LIMCH1: variants seen among roughly 807,000 people sequenced by gnomAD.
LIMCH1 encodes LIM and calponin homology domains 1.
In LIMCH1, 113 loss-of-function variants were observed where a neutral mutation model predicts 176.5. The observed-to-expected ratio is 0.64, with a 90% CI of 0.55 to 0.75. The LOEUF (loss-of-function observed/expected upper bound fraction) is 0.75. Among genes scored for constraint, LIMCH1 ranks in the 30% least tolerant of loss-of-function variants. The pLI is 0.00. For synonymous variants in LIMCH1, 619 were observed against 645.9 expected, an observed-to-expected ratio of 0.96 and a Z score of 0.63; for missense variants, 1,674 against 1,814.9, an observed-to-expected ratio of 0.92 and a Z score of 1.41.
intron 21 of LIMCH1, among the ~76,000 whole-genome samples, chr4:41,668,844 A>T (rs1027285448): frequency 6.6e-6 from 1 of 152,200 alleles, no homozygotes; most frequent in Non-Finnish European, 1.5e-5. Flanking sequence ...GGGACATCTT[A>T]CATGGTGGCC....
intron 1 of LIMCH1, among the ~76,000 whole-genome samples, chr4:41,364,477 T>C (rs1390450145): frequency 6.6e-6 from 1 of 152,164 alleles, no homozygotes; most frequent in Non-Finnish European, 1.5e-5. Flanking sequence ...TGCCTACTGA[T>C]TTCATCCTAT....
chr4:41,586,147 C>T (rs2086434759), intron 1 of LIMCH1, among the ~76,000 whole-genome samples: 1 of 139,646 alleles, frequency 7.2e-6, no homozygotes, highest in African/African-American at 2.6e-5. Context: ...CTCACTCTGT[C>T]ACCTAGGCTG....
intron 1 of LIMCH1, among the ~76,000 whole-genome samples, chr4:41,460,844 G>A (rs1431408684): frequency 6.6e-6 from 1 of 152,138 alleles, no homozygotes; most frequent in Non-Finnish European, 1.5e-5. Flanking sequence ...TGCTGGCAAG[G>A]AAATGCCTGC....
At chr4:41,609,520 C>A in intron 4 of LIMCH1, 1 of 403,644 alleles carries the variant, frequency 2.5e-6, no homozygotes, top group South Asian at 1.9e-5. Flanking sequence ...CAGGGTGAGC[C>A]ACCTTACAAA....
At chr4:41,478,641 A>G (rs1027124779) in intron 1 of LIMCH1, among the ~76,000 whole-genome samples, 12 of 152,232 alleles carry the variant, frequency 7.9e-5, no homozygotes, top group African/African-American at 2.9e-4. Context: ...AGACAGCTCT[A>G]CAACTGTTAC....
chr4:41,613,193 CTTT>C, intron 4 of LIMCH1: 1 of 965,718 alleles, frequency 1.0e-6, no homozygotes, highest in Non-Finnish European at 1.5e-6. Context: ...TTTCTCTACT[CTTT>C]TTTTTTTAAA....
chr4:41,644,689 G>T lies in LIMCH1; in HGVS notation c.2253+63G>T, dbSNP rs1316064869. On this transcript the variant is annotated intron_variant, in intron 15 of 31. Coordinates refer to ENST00000503057, the MANE Select transcript of LIMCH1 (RefSeq NM_001330672.2). ...TTCTGGCAGCAGAAAATCCAGCCGGGTGGGTAGACGTGGACTTGAAAGCCA... is the reference window on the plus strand; with the variant it reads ...TTCTGGCAGCAGAAAATCCAGCCGGTTGGGTAGACGTGGACTTGAAAGCCA... 2.6e-6 allele frequency: 4 copies of T among 1,551,482 alleles called. No individual in the cohort carries two copies. In the African/African-American group the frequency reaches 5.5e-5, roughly 21 times the overall value.
intron 22 of LIMCH1, among the ~76,000 whole-genome samples, chr4:41,674,025 A>G (rs1371724213): frequency 6.6e-6 from 1 of 152,190 alleles, no homozygotes; most frequent in African/African-American, 2.4e-5. Context: ...TCAGTGGGCC[A>G]TAATCTGCAA....
At chr4:41,584,198 A>G (rs2086037662) in intron 1 of LIMCH1, among the ~76,000 whole-genome samples, 1 of 152,188 alleles carries the variant, frequency 6.6e-6, no homozygotes, top group Non-Finnish European at 1.5e-5. Flanking sequence ...AGTGTGGAAT[A>G]TATCCTTTGT....
intron 1 of LIMCH1, among the ~76,000 whole-genome samples, chr4:41,435,208 A>G (rs1005556757): frequency 2.0e-5 from 3 of 152,226 alleles, no homozygotes; most frequent in Non-Finnish European, 4.4e-5. Flanking sequence ...ATGTTACCAC[A>G]GAAGTCCTTA....
chr4:41,505,240 C>A (rs1424137428), intron 2 of LIMCH1, among the ~76,000 whole-genome samples: 2 of 152,122 alleles, frequency 1.3e-5, no homozygotes, highest in Non-Finnish European at 1.5e-5. Context: ...TTGCTTGGCA[C>A]CCTGTACCAC....
At chr4:41,378,145 A>G (rs2055054080) in intron 1 of LIMCH1, among the ~76,000 whole-genome samples, 1 of 152,184 alleles carries the variant, frequency 6.6e-6, no homozygotes, top group African/African-American at 2.4e-5. Flanking sequence ...GTGGTAGCAG[A>G]GTGCACTTGG....
chr4:41,691,545 G>A (rs1214254272), intron 30 of LIMCH1, among the ~76,000 whole-genome samples: 5 of 145,004 alleles, frequency 3.4e-5, no homozygotes, highest in Non-Finnish European at 6.0e-5. Flanking sequence ...TCAGAAGTTC[G>A]AGACCAGCCT....
chr4:41,361,232 G>C (rs1561119845), intron 1 of LIMCH1, among the ~76,000 whole-genome samples: 1 of 152,244 alleles, frequency 6.6e-6, no homozygotes. Flanking sequence ...GCAAATCTCA[G>C]CTAGCGCCGC....
At chr4:41,468,995 A>G (rs1437496640) in intron 1 of LIMCH1, among the ~76,000 whole-genome samples, 1 of 152,154 alleles carries the variant, frequency 6.6e-6, no homozygotes, top group Non-Finnish European at 1.5e-5. Context: ...TCATCAGAGG[A>G]CTTGTTGTCA....
chr4:41,613,365 T>C, intron 4 of LIMCH1, 101 bp from the exon 5 acceptor site: 1 of 957,766 alleles, frequency 1.0e-6, no homozygotes, highest in Non-Finnish European at 1.6e-6. Flanking sequence ...TCCATTCTGA[T>C]GTGATATGCA....
intron 1 of LIMCH1, among the ~76,000 whole-genome samples, chr4:41,478,166 A>G (rs2068034123): frequency 6.6e-6 from 1 of 152,252 alleles, no homozygotes; most frequent in Admixed American, 6.5e-5. Flanking sequence ...ACAAGTACAG[A>G]GAATTACATG....
At chr4:41,647,645 C>A (rs2094120966) in intron 17 of LIMCH1, among the ~76,000 whole-genome samples, 1 of 152,218 alleles carries the variant, frequency 6.6e-6, no homozygotes, top group African/African-American at 2.4e-5. Flanking sequence ...TCCTTGCACT[C>A]AATGAGTTTG....
chr4:41,376,903 C>T (rs1390707482), intron 1 of LIMCH1, among the ~76,000 whole-genome samples: 2 of 152,110 alleles, frequency 1.3e-5, no homozygotes, highest in African/African-American at 4.8e-5. Flanking sequence ...ATATGCAGTA[C>T]TTAGTGAAAA....
Sources: allele counts gnomAD v4.1 joint callset (sites outside exome capture counted in the v4.1 genomes callset), GRCh38; gene constraint gnomAD v4.1.1; transcripts MANE v1.5; gene names NCBI Gene and HGNC (gene_info 2026-07-23, HGNC 2026-07-21).